Variants in CREB5 observed in about 807,000 individuals in gnomAD.
CREB5 encodes the protein cyclic AMP-responsive element-binding protein 5.
A neutral mutation model predicts 57.1 loss-of-function variants in CREB5; 19 were observed. The ratio of observed to expected loss-of-function variants is 0.33; its 90% CI spans 0.23 to 0.49. The LOEUF (loss-of-function observed/expected upper bound fraction) is 0.49. Among genes scored for constraint, CREB5 ranks in the 20% least tolerant of loss-of-function variants. The pLI, the probability that CREB5 is intolerant of heterozygous loss-of-function variation, is 0.99. For missense variants in CREB5, 579 were observed against 671.6 expected, an observed-to-expected ratio of 0.86 and a Z score of 1.52; for synonymous variants, 238 against 238.3, an observed-to-expected ratio of 1.00 and a Z score of 0.01.
chr7:28,402,862 G>T (rs889403234), intron 1 of CREB5, among the ~76,000 whole-genome samples: 5 of 152,174 alleles, frequency 3.3e-5, no homozygotes, highest in African/African-American at 1.2e-4. Flanking sequence ...CACAGCAAAA[G>T]AAACTACCAT....
At position 28,494,975 on chromosome 7, in the gene CREB5, A is replaced by G. The variant is rs775117095; in HGVS notation, c.145A>G (p.Ile49Val). 3 of 1,609,254 alleles carry G rather than the reference A, an allele frequency of 1.9e-6. No individual in the cohort carries two copies. The highest frequency in any genetic ancestry group is 1.7e-5 in the Admixed American group (1 of 58,340). Residue 49 changes from isoleucine to valine, a missense_variant, in exon 3 of 11, where the codon ATA (isoleucine) becomes GTA (valine). Ile to Val is a conservative substitution (Grantham distance 29). This residue lies in a region of CREB5 where 459 missense variants were observed against 515.7 expected (regional missense o/e 0.89). Transcript: ENST00000357727. ...KHEMTLKFPS[I>V]KTDNMLSDQT... ...TGAAATGACTTTGAAGTTTCCTTCAATAAAAACAGACAATATGTTATCAGG... is the reference window on the plus strand; with the variant it reads ...TGAAATGACTTTGAAGTTTCCTTCAGTAAAAACAGACAATATGTTATCAGG...
chr7:28,710,583 T>C (rs949982985), intron 5 of CREB5, among the ~76,000 whole-genome samples: 3 of 151,796 alleles, frequency 2.0e-5, no homozygotes, highest in Admixed American at 6.6e-5. Flanking sequence ...CTCCCAGGAG[T>C]TTTAAGCCCA....
chr7:28,382,560 G>A (rs886420608), intron 1 of CREB5, among the ~76,000 whole-genome samples: 3 of 152,092 alleles, frequency 2.0e-5, no homozygotes, highest in Non-Finnish European at 2.9e-5. Context: ...ATTGTAGAAT[G>A]TTCTGGAAAA....
At chr7:28,754,956 A>G (rs895394155) in intron 7 of CREB5, among the ~76,000 whole-genome samples, 1 of 152,236 alleles carries the variant, frequency 6.6e-6, no homozygotes, top group Non-Finnish European at 1.5e-5. Context: ...CTGAGGCCTG[A>G]GCATATAAAC....
intron 1 of CREB5, among the ~76,000 whole-genome samples, chr7:28,343,268 G>A (rs576786554): frequency 6.6e-6 from 1 of 152,218 alleles, no homozygotes; most frequent in South Asian, 2.1e-4. Flanking sequence ...ATCATTAACT[G>A]GAATCACCCT....
Position 28,501,792 on chromosome 7 carries a change from G to A in CREB5, c.170-5824G>A, listed in dbSNP as rs765357345. 7.6e-4 allele frequency among the ~76,000 whole-genome samples: 115 copies of A among 152,304 alleles called. 1 individual carries two copies. The highest frequency in any genetic ancestry group is 4.3e-3 in the South Asian group (21 of 4,830). On this transcript the variant is annotated intron_variant, in intron 3 of 10. Transcript: ENST00000357727. ...GTTGGAACACTTGGGGTAGCTCATG[G>A]TTGATCGTGAGTAGGTGTGGAATAT...
chr7:28,731,040 G>A (rs1168901708), intron 7 of CREB5, among the ~76,000 whole-genome samples: 2 of 152,196 alleles, frequency 1.3e-5, no homozygotes, highest in Non-Finnish European at 2.9e-5. Context: ...AAATATTGGA[G>A]AGGAGTCTTC....
intron 4 of CREB5, among the ~76,000 whole-genome samples, chr7:28,546,456 A>C (rs375841284): frequency 2.1e-4 from 32 of 152,308 alleles, no homozygotes; most frequent in African/African-American, 7.2e-4. Context: ...AGCTCTTTGT[A>C]GAACCTCCAG....
At chr7:28,784,639 G>C (rs1807204184) in intron 7 of CREB5, among the ~76,000 whole-genome samples, 1 of 152,150 alleles carries the variant, frequency 6.6e-6, no homozygotes, top group African/African-American at 2.4e-5. Context: ...GCGCCAGTGT[G>C]TGGGAAAGCA....
intron 1 of CREB5, among the ~76,000 whole-genome samples, chr7:28,477,061 G>A (rs1486008030): frequency 6.6e-6 from 1 of 152,300 alleles, no homozygotes; most frequent in African/African-American, 2.4e-5. Context: ...GCTCAGTGAC[G>A]ATGTGGGGAA....
At chr7:28,744,012 C>T (rs1384617141) in intron 7 of CREB5, among the ~76,000 whole-genome samples, 1 of 97,744 alleles carries the variant, frequency 1.0e-5, no homozygotes, top group South Asian at 5.0e-4. Flanking sequence ...CCCCCGACCC[C>T]ACCACAGTCC....
At chr7:28,538,151 C>T (rs1794046998) in intron 4 of CREB5, among the ~76,000 whole-genome samples, 1 of 152,052 alleles carries the variant, frequency 6.6e-6, no homozygotes, top group Admixed American at 6.6e-5. Context: ...TCTCCCGGGT[C>T]CAAGTGATTC....
intron 5 of CREB5, among the ~76,000 whole-genome samples, chr7:28,707,927 A>G (rs1391569544): frequency 6.6e-6 from 1 of 152,172 alleles, no homozygotes; most frequent in African/African-American, 2.4e-5. Flanking sequence ...TATTTCCTTT[A>G]CTTTTCCCAT....
intron 5 of CREB5, among the ~76,000 whole-genome samples, chr7:28,643,139 A>G (rs1373232140): frequency 6.6e-6 from 1 of 152,148 alleles, no homozygotes; most frequent in African/African-American, 2.4e-5. Flanking sequence ...TGGCACCTGC[A>G]TTGAACTTGT....
In CREB5 at chr7:28,783,561, TA is replaced by T. The variant is rs200076717; in HGVS notation, c.703-20630del. ...GCTTACAATTAGGTTATTTTGAAAT[TA>T]AAAAAAATAAAATTTCAGACTTTCC... is the stretch of plus-strand genomic sequence containing the variant. On this transcript the variant is annotated intron_variant, in intron 7 of 10. Transcript: ENST00000357727. Among the ~76,000 whole-genome samples, 1,093 of 152,176 alleles carry T rather than the reference TA, an allele frequency of 7.2e-3. 17 individuals are homozygous for T. Among genetic ancestry groups the T allele is most frequent in the African/African-American group, 0.025 (1,036 of 41,520 alleles).
chr7:28,434,229 A>T (rs1045896470), intron 1 of CREB5, among the ~76,000 whole-genome samples: 1 of 152,048 alleles, frequency 6.6e-6, no homozygotes, highest in Admixed American at 6.5e-5. Flanking sequence ...CCACCACCTC[A>T]TTTTACAATG....
chr7:28,446,732 C>A (rs902894601), intron 1 of CREB5, among the ~76,000 whole-genome samples: 39 of 152,130 alleles, frequency 2.6e-4, no homozygotes, highest in Non-Finnish European at 3.5e-4. Context: ...GTGGAGATTG[C>A]AGTGAGCCGA....
chr7:28,369,346 C>T (rs1190549702), intron 1 of CREB5, among the ~76,000 whole-genome samples: 2 of 152,138 alleles, frequency 1.3e-5, no homozygotes, highest in Non-Finnish European at 2.9e-5. Flanking sequence ...CACTACTGAG[C>T]AATGACGTGG....
At chr7:28,388,754 T>A (rs1393933894) in intron 1 of CREB5, among the ~76,000 whole-genome samples, 1 of 152,240 alleles carries the variant, frequency 6.6e-6, no homozygotes, top group Non-Finnish European at 1.5e-5. Flanking sequence ...TCACGCATAA[T>A]GCCTCAACTC....
Sources: allele counts gnomAD v4.1 joint callset (sites outside exome capture counted in the v4.1 genomes callset), GRCh38; gene constraint gnomAD v4.1.1; regional missense constraint gnomAD v4.1.1; transcripts MANE v1.5; gene names NCBI Gene and HGNC (gene_info 2026-07-23, HGNC 2026-07-21).